The following ADCY8 variants were observed in gnomAD, a reference collection of about 807,000 sequenced individuals.
ADCY8 encodes the protein adenylate cyclase type 8.
A neutral mutation model predicts 119.7 loss-of-function variants in ADCY8; 51 were observed. The observed-to-expected ratio is 0.43, with a 90% CI of 0.34 to 0.54. The LOEUF (loss-of-function observed/expected upper bound fraction) is 0.54, where lower values mean the gene tolerates loss of function less well. Among genes scored for constraint, ADCY8 ranks in the 20% least tolerant of loss-of-function variants. The pLI, the probability that ADCY8 is intolerant of heterozygous loss-of-function variation, is 0.03. For synonymous variants in ADCY8, 665 were observed against 651.0 expected (o/e 1.02, Z -0.33); for missense variants, 1,383 against 1,598.8 (o/e 0.87, Z 2.30).
At chr8:130,977,857 T>A (rs777110712) in intron 2 of ADCY8, among the ~76,000 whole-genome samples, 32 of 152,330 alleles carry the variant, frequency 2.1e-4, no homozygotes, top group Non-Finnish European at 3.4e-4. Flanking sequence ...TTAGAGTTCA[T>A]CCTTTTCTTG....
intron 10 of ADCY8, 73 bp downstream of exon 10, chr8:130,849,529 G>T: frequency 6.7e-7 from 1 of 1,484,794 alleles, no homozygotes. Flanking sequence ...AATGCAGGAA[G>T]CTGCAGGCTC....
intron 1 of ADCY8, among the ~76,000 whole-genome samples, chr8:130,992,424 T>C (rs1379118570): frequency 7.6e-6 from 1 of 130,936 alleles, no homozygotes; most frequent in Non-Finnish European, 1.6e-5. Context: ...TATATATATA[T>C]ATATATTTGA....
chr8:130,836,267 G>A lies in ADCY8; in HGVS notation c.2675+10C>T. ...GAGCACACTTTGGACTCACGGTGGT[G>A]GGCACTTACTCTCCACTGTGGTTGA... On this transcript the variant is annotated intron_variant, in intron 12 of 17. Coordinates refer to ENST00000286355, the MANE Select transcript of ADCY8 (RefSeq NM_001115.3). 1.2e-6 allele frequency: 2 copies of A among 1,605,744 alleles called. No individual in the cohort carries two copies. Among genetic ancestry groups the A allele is most frequent in the South Asian group, 1.1e-5 (1 of 90,080 alleles).
chr8:130,816,548 C>G lies in ADCY8; in HGVS notation c.2755-2321G>C, dbSNP rs555073422. On this transcript the variant is annotated intron_variant, in intron 13 of 17. Coordinates refer to ENST00000286355, the MANE Select transcript of ADCY8 (RefSeq NM_001115.3). ...TCACCCCATTCTCCTGCCTCAGCCC[C>G]CCGAGTAGCTGGGATCACAGGTGCC... 4.0e-5 allele frequency among the ~76,000 whole-genome samples: 6 copies of G among 151,890 alleles called. No homozygotes were observed. In the East Asian group the frequency reaches 1.2e-3, roughly 30 times the overall value.
chr8:131,032,902 CTTTATA>C (rs913018095), intron 1 of ADCY8, among the ~76,000 whole-genome samples: 1 of 152,138 alleles, frequency 6.6e-6, no homozygotes, highest in African/African-American at 2.4e-5. Flanking sequence ...GAAGAAAATT[CTTTATA>C]TAACTCACTC....
intron 1 of ADCY8, among the ~76,000 whole-genome samples, chr8:130,994,334 A>G (rs1216037074): frequency 1.3e-5 from 2 of 152,196 alleles, no homozygotes; most frequent in East Asian, 1.9e-4. Context: ...CATTCTTTCT[A>G]TGAACTTTTG....
intron 14 of ADCY8, among the ~76,000 whole-genome samples, chr8:130,801,198 G>A (rs1026431180): frequency 2.6e-5 from 4 of 152,132 alleles, no homozygotes; most frequent in East Asian, 1.9e-4. Flanking sequence ...TTCTTGGTAA[G>A]CTTCCTTTTC....
At chr8:130,972,271 A>G (rs1821945506) in intron 2 of ADCY8, among the ~76,000 whole-genome samples, 1 of 152,232 alleles carries the variant, frequency 6.6e-6, no homozygotes, top group Admixed American at 6.5e-5. Context: ...ACAACTGATG[A>G]GGTAGCTGTG....
chr8:131,002,674 AAAT>A (rs1455322969), intron 1 of ADCY8, among the ~76,000 whole-genome samples: 1 of 152,166 alleles, frequency 6.6e-6, no homozygotes, highest in Non-Finnish European at 1.5e-5. Flanking sequence ...GTAAAAAAAA[AAAT>A]GAGGCCTCCT....
At chr8:131,034,264 ATATCT>A (rs1212277998) in intron 1 of ADCY8, among the ~76,000 whole-genome samples, 1 of 152,140 alleles carries the variant, frequency 6.6e-6, no homozygotes, top group Non-Finnish European at 1.5e-5. Context: ...AGAACATATA[ATATCT>A]TATGTTTAAA....
intron 11 of ADCY8, among the ~76,000 whole-genome samples, chr8:130,846,633 T>TCCTTCCTTCCCCCCTTCCTTCC (rs1817310395): frequency 9.8e-6 from 1 of 102,168 alleles, no homozygotes; most frequent in Non-Finnish European, 2.1e-5. Flanking sequence ...TCCTTCCTTC[T>TCCTTCCTTCCCCCCTTCCTTCC]CCTTCCTTCC....
chr8:131,004,255 C>G (rs1260075052), intron 1 of ADCY8, among the ~76,000 whole-genome samples: 1 of 152,146 alleles, frequency 6.6e-6, no homozygotes, highest in East Asian at 1.9e-4. Context: ...GTGTAGCATA[C>G]AGGTTGCCTG....
At chr8:130,996,372 C>T (rs551334616) in intron 1 of ADCY8, among the ~76,000 whole-genome samples, 13 of 152,054 alleles carry the variant, frequency 8.5e-5, no homozygotes, top group African/African-American at 2.9e-4. Context: ...ATGAGTTAGA[C>T]TATCAAATAA....
intron 1 of ADCY8, among the ~76,000 whole-genome samples, chr8:131,033,332 T>G (rs1471415661): frequency 1.3e-5 from 2 of 152,180 alleles, no homozygotes; most frequent in Non-Finnish European, 2.9e-5. Flanking sequence ...GCACTGAATA[T>G]GGAATAAACT....
chr8:130,871,545 T>C (rs1004578339), intron 8 of ADCY8, among the ~76,000 whole-genome samples: 3 of 152,224 alleles, frequency 2.0e-5, no homozygotes, highest in South Asian at 2.1e-4. Context: ...GATAATCCTA[T>C]ATAAATGTTA....
intron 1 of ADCY8, among the ~76,000 whole-genome samples, chr8:131,005,353 T>TA (rs1823082466): frequency 6.6e-6 from 1 of 152,214 alleles, no homozygotes. Context: ...GCTGCCTCCA[T>TA]ACTAAAGCAC....
chr8:130,783,396 C>T (rs1815151228), intron 17 of ADCY8, among the ~76,000 whole-genome samples: 1 of 152,194 alleles, frequency 6.6e-6, no homozygotes, highest in Non-Finnish European at 1.5e-5. Flanking sequence ...TATGCACGAC[C>T]TTGCATGGGC....
rs199612468 is a variant in ADCY8 at position 130,937,061 on chromosome 8, A to T, written c.1481+12T>A. ...TGAAGACCCAGGTAACATGATGGGG[A>T]TCACAAATTACCTGATGGTTTTGAT... On this transcript the variant is annotated intron_variant, in intron 5 of 17. Coordinates refer to ENST00000286355, the MANE Select transcript of ADCY8 (RefSeq NM_001115.3). 1.2e-6 allele frequency: 2 copies of T among 1,604,386 alleles called. No homozygotes were observed. Among genetic ancestry groups the T allele is most frequent in the East Asian group, 2.2e-5 (1 of 44,578 alleles).
intron 15 of ADCY8, among the ~76,000 whole-genome samples, chr8:130,792,563 T>C (rs1264486796): frequency 6.6e-6 from 1 of 152,184 alleles, no homozygotes; most frequent in African/African-American, 2.4e-5. Context: ...GGTGTCTCCA[T>C]TTTACCAGTT....
Sources: gnomAD v4.1 joint callset for allele counts (sites outside exome capture counted in the v4.1 genomes callset) on GRCh38, gnomAD v4.1.1 for gene constraint, MANE v1.5 for transcripts, NCBI Gene and HGNC (gene_info 2026-07-23, HGNC 2026-07-21) for gene names.